NAT10: variants seen among roughly 807,000 people sequenced by gnomAD.
NAT10 encodes the protein RNA cytidine acetyltransferase.
Under a neutral mutation model 132.2 loss-of-function variants are expected in NAT10, and 109 were observed. The ratio of observed to expected loss-of-function variants is 0.82; its 90% CI spans 0.71 to 0.97. The LOEUF is 0.97. NAT10 is among the 50% of genes least tolerant of loss of function. The probability of loss-of-function intolerance (pLI) is 0.00; values close to 1 mark genes in which losing one functional copy is unlikely to be tolerated. For synonymous variants in NAT10, 479 were observed against 478.0 expected (o/e 1.00, Z -0.03); for missense variants, 1,184 against 1,263.4 (o/e 0.94, Z 0.95).
chr11:34,124,038 G>A lies in NAT10; in HGVS notation c.1008+183G>A, dbSNP rs946795155. ...TACAAAATTAGCCGGGTGTGGTGGC[G>A]CATGCCTGTAATCCCAGCTACTTGG... On this transcript the variant is annotated intron_variant, in intron 10 of 28. Coordinates refer to ENST00000257829, the MANE Select transcript of NAT10 (RefSeq NM_024662.3). 2.0e-5 allele frequency among the ~76,000 whole-genome samples: 3 copies of A among 152,036 alleles called. No individual in the cohort carries two copies. In the South Asian group the frequency reaches 6.2e-4, roughly 31 times the overall value.
At position 34,140,481 on chromosome 11, in the gene NAT10, AC is replaced by A; in HGVS notation, c.2502del (p.Tyr835IlefsTer7). 2 of 1,614,152 alleles carry A rather than the reference AC, an allele frequency of 1.2e-6. No individual in the cohort carries two copies. The highest frequency in any genetic ancestry group is 1.7e-6 in the Non-Finnish European group (2 of 1,180,020). ...RLEMYSRNMV[D>X]YHLIMDMIPA... is the part of the protein sequence containing the mutation. ...GAGATGTATTCACGGAATATGGTGG[AC>A]TATCACCTCATCATGGACATGATCC... On this transcript the variant is annotated frameshift_variant, in exon 24 of 29. Coordinates refer to ENST00000257829, the MANE Select transcript of NAT10 (RefSeq NM_024662.3). LOFTEE classifies it high-confidence loss of function.
Position 34,136,441 on chromosome 11 carries a change from T to C in NAT10, c.2029-201T>C, listed in dbSNP as rs142173546. Among the ~76,000 whole-genome samples, 938 of 152,280 alleles carry C rather than the reference T, an allele frequency of 6.2e-3. 14 individuals are homozygous for C. The highest frequency in any genetic ancestry group is 0.021 in the African/African-American group (893 of 41,544). ...CCTGCATTCTAGAGGTCTGAAGCAG[T>C]GTGATTCTATGCATGTTGAGGTGTT... On this transcript the variant is annotated intron_variant, in intron 19 of 28. Transcript: ENST00000257829.
In NAT10 at chr11:34,125,938, A is replaced by G. The variant is rs539972421; in HGVS notation, c.1108-1525A>G. On this transcript the variant is annotated intron_variant, in intron 11 of 28. Transcript: ENST00000257829. ...AGAGGTTGCAATGAGCCGAGATCACACCACTGCACTCCAGCCTGGGCGACA... is the reference window on the plus strand; with the variant it reads ...AGAGGTTGCAATGAGCCGAGATCACGCCACTGCACTCCAGCCTGGGCGACA... Among the ~76,000 whole-genome samples the G allele has an allele frequency of 2.0e-5, 3 of 152,322 alleles. No individual in the cohort carries two copies. The South Asian group carries it at 6.2e-4, about 32-fold the overall frequency.
At chr11:34,116,123 A>G (rs1851778599) in intron 6 of NAT10, among the ~76,000 whole-genome samples, 1 of 152,186 alleles carries the variant, frequency 6.6e-6, no homozygotes, top group South Asian at 2.1e-4. Context: ...GCTCAGTTAA[A>G]CCAGGTTACT....
At position 34,112,336 on chromosome 11, in the gene NAT10, C is replaced by G. The variant is rs1184747332; in HGVS notation, c.372+113C>G. 3 of 1,262,080 alleles carry G rather than the reference C, an allele frequency of 2.4e-6. No individual in the cohort carries two copies. In the Admixed American group the frequency reaches 6.7e-5, roughly 28 times the overall value. The allele number at this position is 1,262,080 out of a possible 1,614,324, so 78.2% of individuals were successfully genotyped here. On this transcript the variant is annotated intron_variant, in intron 4 of 28. Coordinates refer to ENST00000257829, the MANE Select transcript of NAT10 (RefSeq NM_024662.3). ...GTAAGGAGAGGAGAGTCCCATGTTC[C>G]CTATGCCCAAGCATTATTAGTGGAA...
rs368361371 is a variant in NAT10, at chr11:34,135,228, G to T, written c.1965G>T (p.Arg655Ser). ...LQLLQMYYEG[R>S]FPCLEEKVLE... ...TGCTGCAGATGTACTATGAAGGCAG[G>T]TTTCCTTGTCTGGAGGAAAAGGTCC... The change falls in exon 19 of 29, where the codon AGG becomes AGT. Residue 655 changes from arginine (R) to serine (S), a missense_variant. By Grantham distance (110) the Arg-to-Ser change is moderately radical. Coordinates refer to ENST00000257829, the MANE Select transcript of NAT10 (RefSeq NM_024662.3). 7 of 1,614,034 alleles carry T rather than the reference G, an allele frequency of 4.3e-6. No individual in the cohort carries two copies. In the African/African-American group the frequency reaches 6.7e-5, roughly 15 times the overall value.
chr11:34,108,116 T>A (rs927364661), intron 1 of NAT10, 95 bp from the exon 2 acceptor site: 2 of 749,536 alleles, frequency 2.7e-6, no homozygotes, highest in Admixed American at 4.3e-5. Context: ...CTTATAGATA[T>A]GCCTAGCACA....
In NAT10 at chr11:34,118,513, G is replaced by C. The variant is rs758571107; in HGVS notation, c.780+10G>C. The stretch of plus-strand genomic sequence containing the variant: ...TAAGACTCTAGACCAGGTGAGTGTG[G>C]TGCTCAGCACTTCCAACACAAAGGT... On this transcript the variant is annotated intron_variant, in intron 8 of 28. Transcript: ENST00000257829. 1.9e-5 allele frequency: 30 copies of C among 1,606,216 alleles called. No homozygotes were observed. Among genetic ancestry groups the C allele is most frequent in the Non-Finnish European group, 2.5e-5 (29 of 1,175,062 alleles).
At chr11:34,126,113 G>A (rs1018405020) in intron 11 of NAT10, among the ~76,000 whole-genome samples, 1 of 152,166 alleles carries the variant, frequency 6.6e-6, no homozygotes, top group African/African-American at 2.4e-5. Flanking sequence ...TAACATTCAG[G>A]CACCCAACAC....
At chr11:34,137,070 A>G (rs776445665) in intron 21 of NAT10, 44 bp downstream of exon 21, 1 of 1,608,160 alleles carries the variant, frequency 6.2e-7, no homozygotes, top group Non-Finnish European at 8.5e-7. Flanking sequence ...GTTTACCGTT[A>G]TGGTAGGTGA....
chr11:34,109,875 A>G (rs769717527), intron 3 of NAT10, among the ~76,000 whole-genome samples: 14 of 152,208 alleles, frequency 9.2e-5, no homozygotes, highest in Admixed American at 2.0e-4. Flanking sequence ...CCTAGCAGAA[A>G]CAACACTTGC....
chr11:34,120,971 T>C (rs1282483067), intron 8 of NAT10, among the ~76,000 whole-genome samples: 3 of 152,002 alleles, frequency 2.0e-5, no homozygotes, highest in Non-Finnish European at 4.4e-5. Context: ...AAGCAGCATG[T>C]GCATGGGCCT....
At chr11:34,120,978 G>A (rs1851881970) in intron 8 of NAT10, among the ~76,000 whole-genome samples, 1 of 152,178 alleles carries the variant, frequency 6.6e-6, no homozygotes, top group Non-Finnish European at 1.5e-5. Context: ...ATGTGCATGG[G>A]CCTGGGGGAG....
intron 8 of NAT10, among the ~76,000 whole-genome samples, chr11:34,119,255 C>T (rs1430628125): frequency 6.6e-6 from 1 of 152,222 alleles, no homozygotes; most frequent in African/African-American, 2.4e-5. Context: ...GGGCACAGCC[C>T]AGAGGTCTTT....
Position 34,137,007 on chromosome 11 carries a change from T to C in NAT10, c.2192T>C (p.Val731Ala), listed in dbSNP as rs1307322829. The C allele has an allele frequency of 6.2e-7, 1 of 1,614,228 alleles. No homozygotes were observed. ...TGGAAACGAGCTGGATTTGTTCCTG[T>C]TTATCTGAGACAGACCCCGGTGAGT... ...KFWKRAGFVP[V>A]YLRQTPNDLT... The change falls in exon 21 of 29, where the codon GTT (valine) becomes GCT (alanine). Residue 731 changes from valine (V) to alanine (A), a missense_variant. Val to Ala is a moderately conservative substitution (Grantham distance 64, BLOSUM62 0). Transcript: ENST00000257829.
intron 25 of NAT10, among the ~76,000 whole-genome samples, chr11:34,141,450 A>G (rs1466336385): frequency 8.7e-5 from 12 of 138,636 alleles, no homozygotes; most frequent in African/African-American, 2.6e-4. Context: ...ACACACACAC[A>G]CGTGCGCGCG....
At chr11:34,114,381 G>GCAA (rs199596733) in intron 5 of NAT10, among the ~76,000 whole-genome samples, 2,559 of 152,316 alleles carry the variant, frequency 0.017, 52 homozygotes, top group African/African-American at 0.058. Context: ...CACTTTATCA[G>GCAA]CGTTGCCAAG....
In NAT10 at chr11:34,132,336, G is replaced by T. The variant is rs1047726631; in HGVS notation, c.1617+115G>T. On this transcript the variant is annotated intron_variant, in intron 15 of 28. Transcript: ENST00000257829. ...AATGGCTTAGGTGACTGTTCCATTGGGACATTGATGAGTTCCACTGATCTT... is the reference window on the plus strand; with the variant it reads ...AATGGCTTAGGTGACTGTTCCATTGTGACATTGATGAGTTCCACTGATCTT... 6.0e-6 allele frequency: 5 copies of T among 833,784 alleles called. No individual in the cohort carries two copies. The African/African-American group carries it at 8.4e-5, about 14-fold the overall frequency. 51.6% of individuals were successfully genotyped at this position (833,784 alleles called of 1,614,324 possible).
chr11:34,112,232 C>T lies in NAT10; in HGVS notation c.372+9C>T. 1.2e-6 allele frequency: 2 copies of T among 1,614,090 alleles called. No homozygotes were observed. The highest frequency in any genetic ancestry group is 1.7e-6 in the Non-Finnish European group (2 of 1,179,990). On this transcript the variant is annotated intron_variant, in intron 4 of 28. Transcript: ENST00000257829. ...GCATGTGTGTGCTGCAGGTGGGTGG[C>T]TTCCTCTAACCTGTGATTGAAGTCA... is the stretch of plus-strand genomic sequence containing the variant.
Sources: gnomAD v4.1 joint callset for allele counts (sites outside exome capture counted in the v4.1 genomes callset) on GRCh38, gnomAD v4.1.1 for gene constraint, MANE v1.5 for transcripts, NCBI Gene and HGNC (gene_info 2026-07-23, HGNC 2026-07-21) for gene names.